Variants in PRKCA observed in about 807,000 individuals in gnomAD.
PRKCA encodes protein kinase C alpha.
Under a neutral mutation model 87.0 loss-of-function variants are expected in PRKCA, and 27 were observed. That is an observed-to-expected ratio of 0.31 (90% CI 0.23 to 0.43). The LOEUF is 0.43. Ranked by LOEUF, PRKCA falls within the 20% of genes least tolerant of loss-of-function variation. PRKCA has a pLI of 1.00. For synonymous variants in PRKCA, 329 were observed against 311.1 expected (o/e 1.06, Z -0.61); for missense variants, 518 against 852.3 (o/e 0.61, Z 4.88).
intron 2 of PRKCA, among the ~76,000 whole-genome samples, chr17:66,397,109 G>A (rs917290355): frequency 6.6e-6 from 1 of 151,128 alleles, no homozygotes; most frequent in African/African-American, 2.4e-5. Flanking sequence ...GGGGCTACAG[G>A]TGCCTGCCAC....
At chr17:66,439,181 T>G (rs1913578338) in intron 2 of PRKCA, among the ~76,000 whole-genome samples, 1 of 146,268 alleles carries the variant, frequency 6.8e-6, no homozygotes, top group Non-Finnish European at 1.5e-5. Flanking sequence ...CACTTTTCTT[T>G]TCTTTCTTTT....
At chr17:66,521,197 C>T (rs1460964858) in intron 3 of PRKCA, among the ~76,000 whole-genome samples, 3 of 152,022 alleles carry the variant, frequency 2.0e-5, no homozygotes, top group African/African-American at 7.2e-5. Flanking sequence ...GTTTCTCTTG[C>T]AAGTATATTC....
At chr17:66,336,644 A>AAT (rs967119655) in intron 2 of PRKCA, among the ~76,000 whole-genome samples, 2 of 131,836 alleles carry the variant, frequency 1.5e-5, no homozygotes, top group Admixed American at 1.4e-4. Flanking sequence ...TTATATAGTA[A>AAT]ATTATTAAAC....
Position 66,503,219 on chromosome 17 carries a change from A to G in PRKCA, c.288+6936A>G, listed in dbSNP as rs148522488. Among the ~76,000 whole-genome samples the G allele has an allele frequency of 2.6e-3, 397 of 152,138 alleles. 1 individual carries two copies. The highest frequency in any genetic ancestry group is 3.2e-3 in the Non-Finnish European group (220 of 67,994). ...GAGCCATTATGTTTTTATTTGCCCC[A>G]TGTGTTTTTACCAGTGACTCTGGCT... On this transcript the variant is annotated intron_variant, in intron 3 of 16. Coordinates refer to ENST00000413366, the MANE Select transcript of PRKCA (RefSeq NM_002737.3).
intron 2 of PRKCA, among the ~76,000 whole-genome samples, chr17:66,360,446 A>C (rs903860588): frequency 6.6e-6 from 1 of 152,096 alleles, no homozygotes; most frequent in Non-Finnish European, 1.5e-5. Context: ...TTCTCTGACG[A>C]GTGTTTAGCA....
intron 2 of PRKCA, among the ~76,000 whole-genome samples, chr17:66,453,636 G>A (rs1914438975): frequency 6.6e-6 from 1 of 152,062 alleles, no homozygotes. Context: ...CTTTAGAACT[G>A]CCCTGCTTGC....
At chr17:66,467,828 G>A (rs968861487) in intron 2 of PRKCA, among the ~76,000 whole-genome samples, 3 of 151,820 alleles carry the variant, frequency 2.0e-5, no homozygotes, top group Admixed American at 2.0e-4. Flanking sequence ...AAAGTGCTAG[G>A]ATTACAGGTA....
chr17:66,437,318 A>G (rs1198899463), intron 2 of PRKCA, among the ~76,000 whole-genome samples: 3 of 152,178 alleles, frequency 2.0e-5, no homozygotes, highest in Non-Finnish European at 4.4e-5. Context: ...GGTTTTCTCC[A>G]TCATAATAAA....
At chr17:66,489,352 CATATATATATATATATATAT>C (rs10529618) in intron 2 of PRKCA, among the ~76,000 whole-genome samples, 1,084 of 98,972 alleles carry the variant, frequency 0.011, 27 homozygotes, top group African/African-American at 0.037. Context: ...CTTAGCAGTG[CATATATATATATATATATAT>C]ATATATATAT....
At chr17:66,446,987 T>A (rs565600320) in intron 2 of PRKCA, among the ~76,000 whole-genome samples, 11 of 152,314 alleles carry the variant, frequency 7.2e-5, no homozygotes, top group Admixed American at 7.2e-4. Context: ...TGTGTTCAAA[T>A]CCCTTTTCAC....
At chr17:66,704,562 A>T (rs977692071) in intron 8 of PRKCA, among the ~76,000 whole-genome samples, 2 of 152,354 alleles carry the variant, frequency 1.3e-5, no homozygotes, top group Admixed American at 1.3e-4. Context: ...CACAGTTCTT[A>T]TATTTGTGAC....
At chr17:66,417,266 A>T (rs2319523) in intron 2 of PRKCA, among the ~76,000 whole-genome samples, 78,235 of 151,462 alleles carry the variant, frequency 0.52, 22,598 homozygotes, top group Non-Finnish European at 0.66. Flanking sequence ...AGCATAGTTT[A>T]CTGCAGTTTA....
intron 3 of PRKCA, among the ~76,000 whole-genome samples, chr17:66,617,405 G>C (rs1452371748): frequency 6.6e-6 from 1 of 152,150 alleles, no homozygotes; most frequent in Non-Finnish European, 1.5e-5. Flanking sequence ...ACACATACCA[G>C]CTTCGTGGAT....
At chr17:66,789,093 T>A in intron 16 of PRKCA, 114 bp downstream of exon 16, 2 of 1,319,538 alleles carry the variant, frequency 1.5e-6, no homozygotes, top group Non-Finnish European at 2.1e-6. Context: ...TTGTACAGGG[T>A]GAGGAAACGG....
At chr17:66,626,417 A>C (rs1970857767) in intron 3 of PRKCA, among the ~76,000 whole-genome samples, 1 of 145,296 alleles carries the variant, frequency 6.9e-6, no homozygotes, top group Non-Finnish European at 1.5e-5. Flanking sequence ...GCTGGAGTGT[A>C]GTGGCGCAGT....
In PRKCA at chr17:66,420,151, GCA is replaced by G. The variant is rs1389596339; in HGVS notation, c.206-76049_206-76048del. Among the ~76,000 whole-genome samples, 191 of 151,954 alleles carry G rather than the reference GCA, an allele frequency of 1.3e-3. 1 individual carries two copies. The highest frequency in any genetic ancestry group is 4.2e-3 in the African/African-American group (173 of 41,464). On this transcript the variant is annotated intron_variant, in intron 2 of 16. Coordinates refer to ENST00000413366, the MANE Select transcript of PRKCA (RefSeq NM_002737.3). ...CTCAGCCTCCCAAGTAGCTGGGACT[GCA>G]GAAGTATGCCACCACGCCCGGCTAA...
chr17:66,340,027 C>T (rs1277381222), intron 2 of PRKCA: 1 of 152,116 alleles, frequency 6.6e-6, no homozygotes, highest in African/African-American at 2.4e-5. Flanking sequence ...GTAAGCCTTA[C>T]CATTTGATGT....
chr17:66,540,357 G>A (rs1210769651), intron 3 of PRKCA, among the ~76,000 whole-genome samples: 1 of 152,252 alleles, frequency 6.6e-6, no homozygotes, highest in Non-Finnish European at 1.5e-5. Context: ...CGGAGAGGGA[G>A]GCAGCTGCCT....
At chr17:66,625,993 C>T (rs1277797434) in intron 3 of PRKCA, among the ~76,000 whole-genome samples, 3 of 152,228 alleles carry the variant, frequency 2.0e-5, no homozygotes, top group Admixed American at 1.3e-4. Context: ...TATGTGGCCT[C>T]ATTCCCCACC....
Sources: gnomAD v4.1 joint callset for allele counts (sites outside exome capture counted in the v4.1 genomes callset) on GRCh38, gnomAD v4.1.1 for gene constraint, MANE v1.5 for transcripts, NCBI Gene and HGNC (gene_info 2026-07-23, HGNC 2026-07-21) for gene names.